The following ATXN10 variants were observed in gnomAD, a reference collection of about 807,000 sequenced individuals.
The protein encoded by ATXN10 is ataxin-10.
A neutral mutation model predicts 52.9 loss-of-function variants in ATXN10; 28 were observed. The ratio of observed to expected loss-of-function variants is 0.53; its 90% CI spans 0.39 to 0.73. The LOEUF (loss-of-function observed/expected upper bound fraction) is 0.73. ATXN10 is among the 30% of genes least tolerant of loss of function. ATXN10 has a pLI of 0.00. For synonymous variants in ATXN10, 226 were observed against 221.5 expected (o/e 1.02, Z -0.18); for missense variants, 565 against 577.0 (o/e 0.98, Z 0.21).
chr22:45,793,761 C>T, intron 9 of ATXN10: 1 of 1,408,594 alleles, frequency 7.1e-7, no homozygotes, highest in Non-Finnish European at 9.3e-7. Context: ...CCTGCCTTTC[C>T]CCAGTGATGC....
rs1175633152 is a variant in ATXN10 at position 45,677,198 on chromosome 22, T to G, written c.116+5019T>G. ...GCTTTCTATAAATTCATCTCATACT[T>G]AAACTGATACCTCATTGGTCTTCCA... On this transcript the variant is annotated intron_variant, in intron 1 of 11. Transcript: ENST00000252934. The surrounding 1 kb of genome is among the most constrained non-coding windows in gnomAD (Gnocchi z 4.1). 1 of 152,228 alleles carries G rather than the reference T, an allele frequency of 6.6e-6. No individual in the cohort carries two copies. The highest frequency in any genetic ancestry group is 1.9e-4 in the East Asian group (1 of 5,202). 9.4% of individuals were successfully genotyped at this position (152,228 alleles called of 1,614,324 possible).
In ATXN10 at chr22:45,826,030, G is replaced by A. The variant is rs370805044; in HGVS notation, c.1238-16961G>A. On this transcript the variant is annotated intron_variant, in intron 10 of 11. Coordinates refer to ENST00000252934, the MANE Select transcript of ATXN10 (RefSeq NM_013236.4). This position sits in a 1 kb window ranked among gnomAD's most constrained non-coding sequence, Gnocchi z 5.0. ...TGAGCTGAGATTGTGCCACTGTGCT[G>A]TAGCCTGGGGAACAGAGCCAGGCCC... Among the ~76,000 whole-genome samples the A allele has an allele frequency of 2.6e-5, 4 of 152,228 alleles. No individual in the cohort carries two copies. The East Asian group carries it at 5.8e-4, about 22-fold the overall frequency.
Position 45,786,064 on chromosome 22 carries a change from A to G in ATXN10, c.1174-20895A>G, listed in dbSNP as rs1927313129. On this transcript the variant is annotated intron_variant, in intron 9 of 11. Coordinates refer to ENST00000252934, the MANE Select transcript of ATXN10 (RefSeq NM_013236.4). This position sits in a 1 kb window ranked among gnomAD's most constrained non-coding sequence, Gnocchi z 4.1. ...GCTAATTTCATTCATTATTTAAACA[A>G]AGATTTTATCTGCTAGTTGAATAAT... Among the ~76,000 whole-genome samples, 1 of 152,192 alleles carries G rather than the reference A, an allele frequency of 6.6e-6. No homozygotes were observed. Among genetic ancestry groups the G allele is most frequent in the Non-Finnish European group, 1.5e-5 (1 of 68,038 alleles).
chr22:45,791,320 A>T (rs1927501230), intron 9 of ATXN10, among the ~76,000 whole-genome samples: 1 of 152,212 alleles, frequency 6.6e-6, no homozygotes, highest in East Asian at 1.9e-4. Context: ...TTAAAATTAT[A>T]GTATTTTATT....
At chr22:45,699,244 G>A (rs1741258884) in intron 3 of ATXN10, among the ~76,000 whole-genome samples, 4 of 152,090 alleles carry the variant, frequency 2.6e-5, no homozygotes, top group African/African-American at 9.7e-5. Context: ...GTTTGGTAAA[G>A]TAAACTGTCA....
chr22:45,834,977 CTG>C (rs1929118290), intron 10 of ATXN10, among the ~76,000 whole-genome samples: 1 of 152,180 alleles, frequency 6.6e-6, no homozygotes, highest in Admixed American at 6.5e-5. Flanking sequence ...ACCCTGAAAC[CTG>C]TGTGTGATGG....
At chr22:45,725,563 G>A (rs1253159889) in intron 6 of ATXN10, among the ~76,000 whole-genome samples, 2 of 151,908 alleles carry the variant, frequency 1.3e-5, no homozygotes, top group East Asian at 1.9e-4. Flanking sequence ...GGAGTCTTTC[G>A]GTAAAGTCTT....
In ATXN10 at chr22:45,759,073, T is replaced by C. The variant is rs914176068; in HGVS notation, c.1173+18535T>C. 2.0e-5 allele frequency among the ~76,000 whole-genome samples: 3 copies of C among 152,224 alleles called. No homozygotes were observed. The highest frequency in any genetic ancestry group is 4.8e-5 in the African/African-American group (2 of 41,460). ...TATCTCATATCTTTAAAGATAACTT[T>C]AGAAACTTACTGCCAGAGAAACAAA... On this transcript the variant is annotated intron_variant, in intron 9 of 11. Coordinates refer to ENST00000252934, the MANE Select transcript of ATXN10 (RefSeq NM_013236.4). This position sits in a 1 kb window ranked among gnomAD's most constrained non-coding sequence, Gnocchi z 5.4.
Position 45,823,147 on chromosome 22 carries a change from A to T in ATXN10, c.1237+16125A>T. The T allele has an allele frequency of 2.1e-6, 1 of 471,826 alleles. No homozygotes were observed. The highest frequency in any genetic ancestry group is 4.4e-6 in the Non-Finnish European group (1 of 227,190). 29.2% of individuals were successfully genotyped at this position (471,826 alleles called of 1,614,324 possible). On this transcript the variant is annotated intron_variant, in intron 10 of 11. Transcript: ENST00000252934. The surrounding 1 kb of genome is among the most constrained non-coding windows in gnomAD (Gnocchi z 4.9). The stretch of plus-strand genomic sequence containing the variant: ...ATGTACGCATCACCCAGATGGAAAT[A>T]CAGAACATGCCCATCTCCCTAGGCG...
intron 9 of ATXN10, among the ~76,000 whole-genome samples, chr22:45,768,009 T>C (rs1718607411): frequency 6.6e-6 from 1 of 152,168 alleles, no homozygotes; most frequent in South Asian, 2.1e-4. Context: ...TTCAGCATAA[T>C]AGAGATACAA....
intron 9 of ATXN10, among the ~76,000 whole-genome samples, chr22:45,779,400 A>G (rs1927068949): frequency 6.6e-6 from 1 of 152,210 alleles, no homozygotes; most frequent in African/African-American, 2.4e-5. Context: ...ATAATTCAGA[A>G]GACTATAATT....
intron 7 of ATXN10, chr22:45,734,472 GT>G: frequency 5.5e-6 from 1 of 181,490 alleles, no homozygotes; most frequent in Non-Finnish European, 1.2e-5. Flanking sequence ...CCTTGTAGTC[GT>G]TTTTTGTTTG....
At position 45,816,672 on chromosome 22, in the gene ATXN10, G is replaced by A. The variant is rs1043320663; in HGVS notation, c.1237+9650G>A. Among the ~76,000 whole-genome samples, 5 of 152,282 alleles carry A rather than the reference G, an allele frequency of 3.3e-5. No individual in the cohort carries two copies. Among genetic ancestry groups the A allele is most frequent in the Admixed American group, 2.0e-4 (3 of 15,296 alleles). ...TGCTCCAAAGCATATTTTGTCTATA[G>A]TATCTTAATAGGTAATATACGGGAG... On this transcript the variant is annotated intron_variant, in intron 10 of 11. Transcript: ENST00000252934. This position sits in a 1 kb window ranked among gnomAD's most constrained non-coding sequence, Gnocchi z 5.8.
At chr22:45,809,704 TGTGTGTAC>T (rs1257110228) in intron 10 of ATXN10, among the ~76,000 whole-genome samples, 1 of 152,160 alleles carries the variant, frequency 6.6e-6, no homozygotes, top group African/African-American at 2.4e-5. Flanking sequence ...TGTGTGTGAG[TGTGTGTAC>T]GTGCATATGT....
Position 45,795,471 on chromosome 22 carries a change from C to T in ATXN10, c.1174-11488C>T, listed in dbSNP as rs538180208. Among the ~76,000 whole-genome samples, 28 of 151,422 alleles carry T rather than the reference C, an allele frequency of 1.8e-4. No homozygotes were observed. Among genetic ancestry groups the T allele is most frequent in the African/African-American group, 6.3e-4 (26 of 41,292 alleles). Reference sequence around the variant, plus strand: ...TGTTGCCCAGGCTGGAGTGCAGTGGCGCGATCTCAGCTCACTGCAACCTCT... The same window carrying T: ...TGTTGCCCAGGCTGGAGTGCAGTGGTGCGATCTCAGCTCACTGCAACCTCT... On this transcript the variant is annotated intron_variant, in intron 9 of 11. Coordinates refer to ENST00000252934, the MANE Select transcript of ATXN10 (RefSeq NM_013236.4). This position sits in a 1 kb window ranked among gnomAD's most constrained non-coding sequence, Gnocchi z 4.6.
intron 9 of ATXN10, among the ~76,000 whole-genome samples, chr22:45,767,549 G>C (rs1244014189): frequency 1.3e-5 from 2 of 151,888 alleles, no homozygotes; most frequent in Non-Finnish European, 2.9e-5. Context: ...GAGAGGCCAG[G>C]GTGGAATAGA....
intron 9 of ATXN10, among the ~76,000 whole-genome samples, chr22:45,764,005 C>T (rs1413125849): frequency 6.6e-6 from 1 of 152,098 alleles, no homozygotes; most frequent in Non-Finnish European, 1.5e-5. Flanking sequence ...CAGAATTCGG[C>T]CAGCCAGTTT....
chr22:45,812,081 A>G (rs2146890162), intron 10 of ATXN10, among the ~76,000 whole-genome samples: 1 of 152,230 alleles, frequency 6.6e-6, no homozygotes, highest in African/African-American at 2.4e-5. Flanking sequence ...CAGTTGTCCA[A>G]GCACATCTCT....
Position 45,672,115 on chromosome 22 carries a change from G to A in ATXN10, c.52G>A (p.Ala18Thr), listed in dbSNP as rs1391662557. 1.9e-6 allele frequency: 3 copies of A among 1,540,248 alleles called. No individual in the cohort carries two copies. Among genetic ancestry groups the A allele is most frequent in the East Asian group, 2.5e-5 (1 of 40,774 alleles). ...PARLSGVMVP[A>T]PIQDLEALRA... is the part of the protein sequence containing the mutation. ...CAGGCTGTCGGGCGTCATGGTGCCG[G>A]CGCCCATCCAAGACCTGGAGGCCCT... The change falls in exon 1 of 12, where the codon GCG (alanine) becomes ACG (threonine). Residue 18 changes from alanine (A) to threonine (T), a missense_variant. By Grantham distance (58) the Ala-to-Thr change is moderately conservative. Coordinates refer to ENST00000252934, the MANE Select transcript of ATXN10 (RefSeq NM_013236.4).
Sources: gnomAD v4.1 joint callset for allele counts (sites outside exome capture counted in the v4.1 genomes callset) on GRCh38, gnomAD v4.1.1 for gene constraint, Gnocchi (gnomAD v3.1) non-coding constraint, MANE v1.5 for transcripts, NCBI Gene and HGNC (gene_info 2026-07-23, HGNC 2026-07-21) for gene names.